Variants in PIERCE2 observed in about 807,000 individuals in gnomAD.
The protein encoded by PIERCE2 is piercer of microtubule wall 2 protein.
the PIERCE2 span, chr15:55,418,283 C>G: frequency 1.3e-6 from 2 of 1,551,578 alleles, no homozygotes; most frequent in Non-Finnish European, 1.7e-6. Flanking sequence ...ACAACTGCCT[C>G]CTTGTGTGAA....
the PIERCE2 span, among the ~76,000 whole-genome samples, chr15:55,415,390 A>T: frequency 7.0e-6 from 1 of 143,020 alleles, no homozygotes; most frequent in Non-Finnish European, 1.5e-5. Flanking sequence ...TGGAAGGCGG[A>T]GGTTGCAGTG....
the PIERCE2 span, among the ~76,000 whole-genome samples, chr15:55,411,923 C>T: frequency 6.7e-6 from 1 of 148,822 alleles, no homozygotes; most frequent in Non-Finnish European, 1.5e-5. Context: ...CTCCTTCTCA[C>T]AAAAAAAAAT....
the PIERCE2 span, among the ~76,000 whole-genome samples, chr15:55,413,888 T>C: frequency 1.3e-5 from 2 of 151,298 alleles, no homozygotes; most frequent in African/African-American, 2.4e-5. Context: ...ATATAAGATA[T>C]TACATAGAGA....
chr15:55,412,768 A>C, the PIERCE2 span, among the ~76,000 whole-genome samples: 31 of 152,010 alleles, frequency 2.0e-4, no homozygotes, highest in Non-Finnish European at 8.8e-5. Flanking sequence ...ACAAAGTGAG[A>C]TCTCTGTCTC....
At chr15:55,415,256 T>C in the PIERCE2 span, among the ~76,000 whole-genome samples, 1 of 151,962 alleles carries the variant, frequency 6.6e-6, no homozygotes, top group Admixed American at 6.6e-5. Context: ...TCACCTAAGG[T>C]CAGGAGTTGG....
the PIERCE2 span, chr15:55,418,508 C>G: frequency 1.3e-6 from 2 of 1,526,488 alleles, no homozygotes; most frequent in African/African-American, 1.4e-5. Flanking sequence ...AAATAACACT[C>G]TAAATACTGC....
At chr15:55,410,364 G>A in the PIERCE2 span, among the ~76,000 whole-genome samples, 1 of 152,254 alleles carries the variant, frequency 6.6e-6, no homozygotes, top group South Asian at 2.1e-4. Context: ...AGCTGGGCGC[G>A]GTGGCTCATG....
At chr15:55,418,088 T>G in the PIERCE2 span, 1 of 1,578,662 alleles carries the variant, frequency 6.3e-7, no homozygotes, top group East Asian at 2.2e-5. Flanking sequence ...TGGCTTAGCT[T>G]GGGCTCAGAG....
chr15:55,418,750 A>C, the PIERCE2 span: 24 of 502,082 alleles, frequency 4.8e-5, no homozygotes, highest in Non-Finnish European at 6.8e-6. Flanking sequence ...AATATGTTCA[A>C]AATAGCAAAA....
chr15:55,412,199 G>T, the PIERCE2 span, among the ~76,000 whole-genome samples: 1 of 151,468 alleles, frequency 6.6e-6, no homozygotes, highest in Non-Finnish European at 1.5e-5. Flanking sequence ...AACTATGGCA[G>T]ATTTTTATTT....
the PIERCE2 span, among the ~76,000 whole-genome samples, chr15:55,409,403 CT>C: frequency 6.7e-6 from 1 of 149,802 alleles, no homozygotes; most frequent in Non-Finnish European, 1.5e-5. Flanking sequence ...AAAACTCCGT[CT>C]CAAAAAAAAA....
At chr15:55,416,973 C>CACAAA in the PIERCE2 span, among the ~76,000 whole-genome samples, 13 of 151,854 alleles carry the variant, frequency 8.6e-5, no homozygotes, top group Admixed American at 2.6e-4. Context: ...AAAACAAACA[C>CACAAA]ACAAAACAAA....
At chr15:55,409,028 A>G in the PIERCE2 span, among the ~76,000 whole-genome samples, 1 of 151,962 alleles carries the variant, frequency 6.6e-6, no homozygotes, top group African/African-American at 2.4e-5. Flanking sequence ...CTGTTCAGTG[A>G]TGGTTTTGAA....
chr15:55,413,453 C>G, the PIERCE2 span, among the ~76,000 whole-genome samples: 709 of 151,982 alleles, frequency 4.7e-3, 8 homozygotes, highest in African/African-American at 0.016. Flanking sequence ...TAATTAAAAG[C>G]TGCCCTTTAA....
chr15:55,412,694 G>C, the PIERCE2 span, among the ~76,000 whole-genome samples: 1 of 152,208 alleles, frequency 6.6e-6, no homozygotes, highest in South Asian at 2.1e-4. Flanking sequence ...TTCAGCCCAG[G>C]AGTTCCAGGT....
At chr15:55,411,495 A>T in the PIERCE2 span, among the ~76,000 whole-genome samples, 2 of 152,056 alleles carry the variant, frequency 1.3e-5, no homozygotes, top group Admixed American at 1.3e-4. Flanking sequence ...ATAAAAATTG[A>T]TTCCATTTGG....
the PIERCE2 span, chr15:55,418,552 T>C: frequency 6.8e-7 from 1 of 1,471,798 alleles, no homozygotes; most frequent in East Asian, 2.5e-5. Context: ...ATTTTCCTAA[T>C]ATTCAACACA....
chr15:55,413,895 G>A, the PIERCE2 span, among the ~76,000 whole-genome samples: 1 of 148,834 alleles, frequency 6.7e-6, no homozygotes, highest in East Asian at 2.0e-4. Context: ...ATATTACATA[G>A]AGAAATGCTT....
At chr15:55,417,079 C>A in the PIERCE2 span, among the ~76,000 whole-genome samples, 10 of 152,168 alleles carry the variant, frequency 6.6e-5, 1 homozygote, top group South Asian at 2.1e-4. Flanking sequence ...ACCACATTCA[C>A]ACAGGCCCTA....
Sources: allele counts gnomAD v4.1 joint callset (sites outside exome capture counted in the v4.1 genomes callset), GRCh38; gene constraint gnomAD v4.1.1; transcripts MANE v1.5; gene names NCBI Gene and HGNC (gene_info 2026-07-23, HGNC 2026-07-21).